The following DLGAP2 variants were observed in gnomAD, a reference collection of about 807,000 sequenced individuals.
DLGAP2 encodes the protein disks large-associated protein 2.
In DLGAP2, 26 loss-of-function variants were observed where a neutral mutation model predicts 100.3. The ratio of observed to expected loss-of-function variants is 0.26; its 90% CI spans 0.19 to 0.36. The LOEUF (loss-of-function observed/expected upper bound fraction) is 0.36. Ranked by LOEUF, DLGAP2 falls within the 10% of genes least tolerant of loss-of-function variation. DLGAP2 has a pLI of 1.00. For synonymous variants in DLGAP2, 886 were observed against 630.1 expected (o/e 1.41, Z -6.08); for missense variants, 1,858 against 1,453.2 (o/e 1.28, Z -4.53).
intron 8 of DLGAP2, among the ~76,000 whole-genome samples, chr8:1,666,804 G>C (rs942588384): frequency 6.6e-6 from 1 of 152,168 alleles, no homozygotes; most frequent in Non-Finnish European, 1.5e-5. Flanking sequence ...TGACATTAGA[G>C]GTCAGAGTGG....
intron 3 of DLGAP2, among the ~76,000 whole-genome samples, chr8:1,409,234 T>C (rs1243092829): frequency 1.4e-5 from 2 of 146,094 alleles, no homozygotes; most frequent in Non-Finnish European, 3.0e-5. Context: ...AGGAAGCCCA[T>C]CTCCCCTTGG....
intron 3 of DLGAP2, among the ~76,000 whole-genome samples, chr8:1,268,297 T>C (rs7006221): frequency 0.24 from 37,170 of 152,160 alleles, 4,923 homozygotes; most frequent in South Asian, 0.43. Context: ...CCCTATTTTC[T>C]TGTTGCTAAA....
rs371274023 is a variant in DLGAP2, at chr8:1,058,117, G to C, written c.73+150151G>C. Among the ~76,000 whole-genome samples the C allele has an allele frequency of 3.7e-3, 565 of 152,288 alleles. 2 individuals are homozygous for C. The highest frequency in any genetic ancestry group is 6.1e-3 in the Non-Finnish European group (413 of 68,030). ...GTGAGGATCACGTGGGGTTGCATGC[G>C]AGTGTATTCCCACAGGGGGCTTGGC... On this transcript the variant is annotated intron_variant, in intron 2 of 14. Coordinates refer to ENST00000637795, the MANE Select transcript of DLGAP2 (RefSeq NM_001346810.2).
intron 2 of DLGAP2, among the ~76,000 whole-genome samples, chr8:1,022,905 G>A (rs545839793): frequency 3.9e-5 from 6 of 152,354 alleles, no homozygotes; most frequent in African/African-American, 1.2e-4. Flanking sequence ...GAAATTGGCA[G>A]CTTTAGAAAC....
intron 3 of DLGAP2, chr8:1,300,576 C>A (rs543240492): frequency 6.6e-6 from 1 of 152,460 alleles, no homozygotes; most frequent in South Asian, 2.1e-4. Context: ...GGGGTCAGCA[C>A]CCAGCACAAA....
intron 1 of DLGAP2, among the ~76,000 whole-genome samples, chr8:810,836 G>A (rs1224457898): frequency 6.6e-6 from 1 of 152,200 alleles, no homozygotes; most frequent in Non-Finnish European, 1.5e-5. Context: ...GTTCAGTAAT[G>A]CAGTTATGTT....
rs368951176 is a variant in DLGAP2, at chr8:1,447,955, C to A, written c.107-53411C>A. ...ATATCCCCTTTATCTTTTTTTATTG[C>A]ATCTATTTGATTCTTCTCTCTTTTC... On this transcript the variant is annotated intron_variant, in intron 3 of 14. Coordinates refer to ENST00000637795, the MANE Select transcript of DLGAP2 (RefSeq NM_001346810.2). 5.3e-5 allele frequency among the ~76,000 whole-genome samples: 8 copies of A among 152,132 alleles called. No homozygotes were observed. The East Asian group carries it at 9.6e-4, about 18-fold the overall frequency.
At chr8:1,230,917 T>A (rs1019102750) in intron 2 of DLGAP2, among the ~76,000 whole-genome samples, 1 of 151,778 alleles carries the variant, frequency 6.6e-6, no homozygotes, top group Non-Finnish European at 1.5e-5. Flanking sequence ...AGAAAAAAAA[T>A]AGGAAACACC....
At chr8:1,488,158 G>A (rs560024995) in intron 3 of DLGAP2, among the ~76,000 whole-genome samples, 2 of 152,210 alleles carry the variant, frequency 1.3e-5, no homozygotes, top group African/African-American at 4.8e-5. Context: ...TGGGAGGCTG[G>A]GAGTCCTTCT....
At chr8:972,085 A>G (rs1800028516) in intron 2 of DLGAP2, among the ~76,000 whole-genome samples, 1 of 152,210 alleles carries the variant, frequency 6.6e-6, no homozygotes, top group Non-Finnish European at 1.5e-5. Context: ...AAGTTGTAAC[A>G]GGAGAGACAA....
intron 2 of DLGAP2, among the ~76,000 whole-genome samples, chr8:1,101,106 C>T (rs1185942716): frequency 6.6e-6 from 1 of 152,236 alleles, no homozygotes; most frequent in Non-Finnish European, 1.5e-5. Flanking sequence ...ACGGCATCTT[C>T]ACTCTGATGT....
At chr8:940,012 G>T (rs912002898) in intron 2 of DLGAP2, among the ~76,000 whole-genome samples, 1 of 152,030 alleles carries the variant, frequency 6.6e-6, no homozygotes, top group Non-Finnish European at 1.5e-5. Flanking sequence ...GGAATAGAAG[G>T]AGCCGGGATC....
At chr8:796,746 A>T (rs1208650679) in intron 1 of DLGAP2, among the ~76,000 whole-genome samples, 1 of 152,114 alleles carries the variant, frequency 6.6e-6, no homozygotes, top group Non-Finnish European at 1.5e-5. Flanking sequence ...TGACGCCTTC[A>T]TGGCCCCATG....
chr8:1,023,281 G>A (rs1214679576), intron 2 of DLGAP2, among the ~76,000 whole-genome samples: 2 of 152,194 alleles, frequency 1.3e-5, no homozygotes, highest in Non-Finnish European at 2.9e-5. Flanking sequence ...ACGTAGGTCT[G>A]TTCGCTGGGC....
At chr8:1,155,334 C>T (rs958209573) in intron 2 of DLGAP2, among the ~76,000 whole-genome samples, 1 of 152,148 alleles carries the variant, frequency 6.6e-6, no homozygotes, top group Non-Finnish European at 1.5e-5. Flanking sequence ...AAAGTCCCAC[C>T]GCTTCCTGCG....
intron 3 of DLGAP2, among the ~76,000 whole-genome samples, chr8:1,409,567 A>G (rs974440826): frequency 1.3e-5 from 2 of 151,860 alleles, no homozygotes; most frequent in African/African-American, 4.8e-5. Context: ...GTGATGGTGA[A>G]TCTTCTCCGT....
chr8:772,810 G>C (rs1821401167), intron 1 of DLGAP2, among the ~76,000 whole-genome samples: 1 of 152,218 alleles, frequency 6.6e-6, no homozygotes, highest in African/African-American at 2.4e-5. Context: ...ATGGAATTAA[G>C]TGCTCTGCAA....
chr8:741,109 A>G (rs1210505496), intron 1 of DLGAP2, among the ~76,000 whole-genome samples: 7 of 152,342 alleles, frequency 4.6e-5, no homozygotes, highest in Non-Finnish European at 4.4e-5. Context: ...AACTTCTTCA[A>G]TATGTTTTGT....
intron 3 of DLGAP2, among the ~76,000 whole-genome samples, chr8:1,355,065 A>C (rs12550556): frequency 0.46 from 68,193 of 147,592 alleles, 17,677 homozygotes; most frequent in East Asian, 0.78. Flanking sequence ...GATGCTGTGG[A>C]TGAGGGTGGA....
Sources: gnomAD v4.1 joint callset for allele counts (sites outside exome capture counted in the v4.1 genomes callset) on GRCh38, gnomAD v4.1.1 for gene constraint, MANE v1.5 for transcripts, NCBI Gene and HGNC (gene_info 2026-07-23, HGNC 2026-07-21) for gene names.